The following SLC35B1 variants were observed in gnomAD, a reference collection of about 807,000 sequenced individuals.
SLC35B1 encodes the protein ATP/ADP exchanger ER.
Under a neutral mutation model 36.6 loss-of-function variants are expected in SLC35B1, and 27 were observed. That is an observed-to-expected ratio of 0.74 (90% CI 0.54 to 1.02). The LOEUF (loss-of-function observed/expected upper bound fraction) is 1.02, where lower values mean the gene tolerates loss of function less well. Among genes scored for constraint, SLC35B1 ranks in the 50% least tolerant of loss-of-function variants. SLC35B1 has a pLI of 0.00. For synonymous variants in SLC35B1, 162 were observed against 152.5 expected, an observed-to-expected ratio of 1.06 and a Z score of -0.46; for missense variants, 321 against 383.2, an observed-to-expected ratio of 0.84 and a Z score of 1.35.
In SLC35B1 at chr17:49,703,188, C is replaced by T; in HGVS notation, c.762G>A (p.Gln254=). ...AAGCCATCCCCTTTCAAGCACTCAC[C>T]TGACCCAGGGCACTGGTCAGCCCAA... The part of the protein sequence containing the change: ...LLFGLTSALG[Q]SFIFMTVVYF... The change falls in exon 7 of 9, where the codon CAG becomes CAA. Residue 254 remains glutamine (Q), a splice_region_variant and synonymous_variant. Transcript: ENST00000240333. 1.9e-6 allele frequency: 3 copies of T among 1,611,894 alleles called. No individual in the cohort carries two copies. The highest frequency in any genetic ancestry group is 2.2e-5 in the East Asian group (1 of 44,866).
intron 5 of SLC35B1, 116 bp downstream of exon 5, chr17:49,705,008 G>A: frequency 1.0e-6 from 1 of 986,968 alleles, no homozygotes; most frequent in Non-Finnish European, 1.5e-6. Flanking sequence ...CAGATATGGG[G>A]ACAAGGAGCA....
chr17:49,704,407 C>T (rs1049243667), intron 5 of SLC35B1, among the ~76,000 whole-genome samples, 181 bp from the exon 6 acceptor site: 1 of 150,340 alleles, frequency 6.7e-6, no homozygotes, highest in Non-Finnish European at 1.5e-5. Flanking sequence ...CTACCCCCCA[C>T]CCCCGCCCCC....
Position 49,705,890 on chromosome 17 carries a change from C to T in SLC35B1, c.346G>A (p.Gly116Ser), listed in dbSNP as rs2073409832. The T allele has an allele frequency of 1.2e-6, 2 of 1,613,848 alleles. No individual in the cohort carries two copies. Among genetic ancestry groups the T allele is most frequent in the Non-Finnish European group, 1.7e-6 (2 of 1,179,938 alleles). ...CCTGGGATTGGCTTGCAGGATTTACCAAGGACCTGAAATTAAATCCAGCAA... is the reference window on the plus strand; with the variant it reads ...CCTGGGATTGGCTTGCAGGATTTACTAAGGACCTGAAATTAAATCCAGCAA... ...QFVNYPTQVL[G>S]KSCKPIPVML... The change falls in exon 4 of 9, where the codon GGT (glycine) becomes AGT (serine). Residue 116 changes from glycine (G) to serine (S), a missense_variant. Transcript: ENST00000240333.
In SLC35B1 at chr17:49,701,155, CCACT is replaced by C. The variant is rs2073347109; in HGVS notation, c.*299_*302del. 1.4e-5 allele frequency: 4 copies of C among 284,672 alleles called. No homozygotes were observed. The Admixed American group carries it at 1.8e-4, about 13-fold the overall frequency. The allele number at this position is 284,672 out of a possible 1,614,324, so 17.6% of individuals were successfully genotyped here. ...ATCCTCAGGTTCTTGGAGGAATCGC[CCACT>C]CAACCATGCTAACCACACCCGTGAG... On this transcript the variant is annotated 3_prime_UTR_variant, in exon 9 of 9. Transcript: ENST00000240333.
rs772369898 is a variant in SLC35B1, at chr17:49,703,316, T to C, written c.656-22A>G. 1.3e-5 allele frequency: 19 copies of C among 1,503,184 alleles called. No individual in the cohort carries two copies. The South Asian group carries it at 1.4e-4, about 11-fold the overall frequency. 93.1% of individuals were successfully genotyped at this position (1,503,184 alleles called of 1,614,324 possible). A position where few individuals can be genotyped will look rare whatever the true frequency, so the allele number is the denominator to read the frequency against. On this transcript the variant is annotated intron_variant, in intron 6 of 8. Coordinates refer to ENST00000240333, the MANE Select transcript of SLC35B1 (RefSeq NM_005827.4). Reference sequence around the variant, plus strand: ...ATTCCTGAGAAGACATGTCAACAAATGTACGGCGCATTTTGTGCACACAAA... The same window carrying C: ...ATTCCTGAGAAGACATGTCAACAAACGTACGGCGCATTTTGTGCACACAAA...
rs1447035898 is a variant in SLC35B1, at chr17:49,701,498, T to C, written c.929A>G (p.Asp310Gly). ...CTTAGCTCCTTTCCCAAACTTGGCA[T>C]CAAGACCAAGACCTATGAAAAGGAA... ...TVLVFLGLGL[D>G]AKFGKGAKKT... The change falls in exon 9 of 9, where the codon GAT (aspartate) becomes GGT (glycine). Residue 310 changes from aspartate to glycine, a missense_variant. Transcript: ENST00000240333. 2.5e-6 allele frequency: 4 copies of C among 1,613,772 alleles called. No individual in the cohort carries two copies.
At chr17:49,705,467 A>G in intron 4 of SLC35B1, 186 bp from the exon 5 acceptor site, 1 of 622,338 alleles carries the variant, frequency 1.6e-6, no homozygotes, top group South Asian at 2.1e-5. Flanking sequence ...AGGGTTAAGT[A>G]TAAGACAGGG....
At chr17:49,705,040 A>T in intron 5 of SLC35B1, 84 bp downstream of exon 5, 1 of 1,398,066 alleles carries the variant, frequency 7.2e-7, no homozygotes, top group Non-Finnish European at 1.0e-6. Flanking sequence ...CTTGACACAG[A>T]ACTGGCCTTC....
At position 49,703,381 on chromosome 17, in the gene SLC35B1, C is replaced by T. The variant is rs914537289; in HGVS notation, c.656-87G>A. 3 of 833,678 alleles carry T rather than the reference C, an allele frequency of 3.6e-6. No homozygotes were observed. In the East Asian group the frequency reaches 7.7e-5, roughly 21 times the overall value. The allele number at this position is 833,678 out of a possible 1,614,324, so 51.6% of individuals were successfully genotyped here. A position where few individuals can be genotyped will look rare whatever the true frequency, so the allele number is the denominator to read the frequency against. On this transcript the variant is annotated intron_variant, in intron 6 of 8. Transcript: ENST00000240333. ...ACACACACACACACACACACAGACA[C>T]TCCTGCACATGGCCTGTTAAAGAAC...
intron 7 of SLC35B1, 40 bp downstream of exon 7, chr17:49,703,148 C>G: frequency 6.3e-7 from 1 of 1,584,866 alleles, no homozygotes; most frequent in African/African-American, 1.3e-5. Flanking sequence ...AACCAGCTGC[C>G]AGAGTAGGGA....
chr17:49,704,687 G>C (rs1371516755), intron 5 of SLC35B1, among the ~76,000 whole-genome samples: 1 of 152,180 alleles, frequency 6.6e-6, no homozygotes. Context: ...GTAAAATGGA[G>C]ATAATACTAC....
intron 2 of SLC35B1, 29 bp from the exon 3 acceptor site, chr17:49,706,363 A>AG: frequency 8.9e-7 from 1 of 1,119,502 alleles, no homozygotes. Flanking sequence ...AAAAAAAAAA[A>AG]AAGAAAAGAA....
rs2073396625 is a variant in SLC35B1, at chr17:49,704,951, G to A, written c.528+173C>T. 3 of 576,990 alleles carry A rather than the reference G, an allele frequency of 5.2e-6. No individual in the cohort carries two copies. The South Asian group carries it at 7.0e-5, about 13-fold the overall frequency. 35.7% of individuals were successfully genotyped at this position (576,990 alleles called of 1,614,324 possible). A position where few individuals can be genotyped will look rare whatever the true frequency, so the allele number is the denominator to read the frequency against. On this transcript the variant is annotated intron_variant, in intron 5 of 8. Transcript: ENST00000240333. The stretch of plus-strand genomic sequence containing the variant: ...AGCTGAGTTGTAGTTAAATATTTCA[G>A]GTTTCCCACTATGGCATTAATAGAG...
chr17:49,705,003 A>G (rs2073397161), intron 5 of SLC35B1, 121 bp downstream of exon 5: 3 of 919,684 alleles, frequency 3.3e-6, no homozygotes, highest in Admixed American at 4.4e-5. Flanking sequence ...AAGAGCAGAT[A>G]TGGGGACAAG....
chr17:49,706,925 G>C, intron 2 of SLC35B1, 40 bp downstream of exon 2: 8 of 1,424,184 alleles, frequency 5.6e-6, no homozygotes, highest in Non-Finnish European at 7.9e-6. Context: ...GGGAACTTGG[G>C]GTGGTGGGGT....
chr17:49,704,206 AT>A lies in SLC35B1; in HGVS notation c.548del (p.Asp183ValfsTer3). On this transcript the variant is annotated frameshift_variant, in exon 6 of 9. Transcript: ENST00000240333. LOFTEE classifies it high-confidence loss of function. ...GGTCCTGGGAAACACCAGTCAGTCCATCCAGGGTCAGCGATAATAGCTGGGA... is the reference window on the plus strand; with the variant it reads ...GGTCCTGGGAAACACCAGTCAGTCCACCAGGGTCAGCGATAATAGCTGGGA... Reference protein sequence around the residue: ...ELLLLLSLTLDGLTGVSQDHM... With the variant: ...ELLLLLSLTLXGLTGVSQDHM... The A allele has an allele frequency of 6.2e-7, 1 of 1,613,822 alleles. No homozygotes were observed. Among genetic ancestry groups the A allele is most frequent in the South Asian group, 1.1e-5 (1 of 91,070 alleles).
chr17:49,702,194 C>T (rs1598007443), intron 8 of SLC35B1: 2 of 157,682 alleles, frequency 1.3e-5, no homozygotes, highest in Admixed American at 1.2e-4. Flanking sequence ...GATCACAGCT[C>T]ACCTCAGCCT....
chr17:49,702,625 C>T (rs886160774), intron 8 of SLC35B1: 10 of 445,658 alleles, frequency 2.2e-5, no homozygotes, highest in African/African-American at 3.9e-5. Flanking sequence ...CTAGCTACTC[C>T]GGATGCTGAG....
intron 7 of SLC35B1, 31 bp downstream of exon 7, chr17:49,703,157 G>A (rs775928038): frequency 1.9e-6 from 3 of 1,591,492 alleles, no homozygotes; most frequent in Non-Finnish European, 2.6e-6. Context: ...CCAGAGTAGG[G>A]AAGCCAAGCC....
Sources: allele counts gnomAD v4.1 joint callset (sites outside exome capture counted in the v4.1 genomes callset), GRCh38; gene constraint gnomAD v4.1.1; transcripts MANE v1.5; gene names NCBI Gene and HGNC (gene_info 2026-07-23, HGNC 2026-07-21).